CHAF1A: variants seen among roughly 807,000 people sequenced by gnomAD.
CHAF1A encodes the protein CAF-1 subunit A.
Under a neutral mutation model 93.2 loss-of-function variants are expected in CHAF1A, and 5 were observed. The ratio of observed to expected loss-of-function variants is 0.05; its 90% confidence interval spans 0.03 to 0.11. The LOEUF is 0.11. Among genes scored for constraint, CHAF1A ranks in the 10% least tolerant of loss-of-function variants. The pLI is 1.00. For synonymous variants in CHAF1A, 504 were observed against 510.3 expected, an observed-to-expected ratio of 0.99 and a Z score of 0.17; for missense variants, 1,102 against 1,259.9, an observed-to-expected ratio of 0.87 and a Z score of 1.90.
intron 2 of CHAF1A, 116 bp from the exon 3 acceptor site, chr19:4,408,787 T>C (rs911113022): frequency 7.3e-7 from 1 of 1,363,920 alleles, no homozygotes; most frequent in Non-Finnish European, 1.0e-6. Flanking sequence ...ATAGTCCCTT[T>C]TTAAACTTTA....
At chr19:4,447,364 T>C (rs567775740), downstream of CHAF1A, 77 of 621,328 alleles carry the variant, frequency 1.2e-4, no homozygotes, top group South Asian at 1.4e-3. Flanking sequence ...GGGTGACCGG[T>C]GCATAAAAGT....
chr19:4,446,523 C>G (rs753848499), downstream of CHAF1A: 2 of 1,611,046 alleles, frequency 1.2e-6, no homozygotes, highest in African/African-American at 1.3e-5. Context: ...CCCGCTTGAT[C>G]TCCTCTGCTG....
intron 1 of CHAF1A, among the ~76,000 whole-genome samples, chr19:4,403,023 T>C (rs969804220): frequency 1.3e-5 from 2 of 152,154 alleles, no homozygotes; most frequent in Non-Finnish European, 2.9e-5. Flanking sequence ...CGCGACCATA[T>C]TGTTTGTTTC....
chr19:4,428,226 A>G (rs1974119342), intron 7 of CHAF1A, among the ~76,000 whole-genome samples: 1 of 150,244 alleles, frequency 6.7e-6, no homozygotes, highest in Admixed American at 6.6e-5. Context: ...TCCTGACCTC[A>G]GGTGATCCGC....
chr19:4,418,605 C>T (rs998226027), intron 4 of CHAF1A, among the ~76,000 whole-genome samples: 7 of 151,614 alleles, frequency 4.6e-5, no homozygotes, highest in Admixed American at 2.0e-4. Flanking sequence ...TTAGTAGAGA[C>T]GGGGTTTCAC....
Position 4,443,152 on chromosome 19 carries a change from T to C in CHAF1A, c.*127T>C. Reference sequence around the variant, plus strand: ...CGGACCTCCCCAAAGTGTGCAGAGTTCTATATAGGATGCTGGATTAGTTCC... The same window carrying C: ...CGGACCTCCCCAAAGTGTGCAGAGTCCTATATAGGATGCTGGATTAGTTCC... On this transcript the variant is annotated 3_prime_UTR_variant, in exon 15 of 15. Transcript: ENST00000301280. 1.4e-6 allele frequency: 1 copy of C among 723,140 alleles called. No homozygotes were observed. The highest frequency in any genetic ancestry group is 2.5e-6 in the Non-Finnish European group (1 of 395,374). 44.8% of individuals were successfully genotyped at this position (723,140 alleles called of 1,614,324 possible).
downstream of CHAF1A, chr19:4,446,204 A>G (rs374415680): frequency 8.3e-5 from 132 of 1,597,750 alleles, no homozygotes; most frequent in African/African-American, 1.3e-3. Flanking sequence ...GTGCCTGGGG[A>G]GTGGGGGAGT....
intron 3 of CHAF1A, among the ~76,000 whole-genome samples, chr19:4,415,901 CG>C (rs1973889073): frequency 6.6e-6 from 1 of 152,096 alleles, no homozygotes; most frequent in Admixed American, 6.5e-5. Context: ...TGGCCGGGCG[CG>C]GTGGCTCACG....
intron 13 of CHAF1A, among the ~76,000 whole-genome samples, chr19:4,437,397 C>T (rs1243767702): frequency 6.6e-6 from 1 of 152,094 alleles, no homozygotes; most frequent in East Asian, 1.9e-4. Context: ...TTACCTAGGC[C>T]GGAGTGCAAT....
chr19:4,446,342 A>G, downstream of CHAF1A: 1 of 1,570,346 alleles, frequency 6.4e-7, no homozygotes, highest in Middle Eastern at 1.7e-4. Flanking sequence ...GTACTTGCGC[A>G]GCCCCCGCTG....
intron 3 of CHAF1A, 107 bp downstream of exon 3, chr19:4,409,866 A>G (rs1280031544): frequency 3.8e-6 from 5 of 1,316,542 alleles, no homozygotes; most frequent in Non-Finnish European, 3.1e-6. Context: ...GAGCGGGGCC[A>G]CGGGCTGGGT....
downstream of CHAF1A, chr19:4,447,588 TCTC>T (rs764656169): frequency 3.3e-5 from 53 of 1,613,672 alleles, no homozygotes; most frequent in Admixed American, 1.0e-4. Flanking sequence ...TTCCGGTACT[TCTC>T]CTCCTCGGGG....
At chr19:4,412,109 T>A (rs243352) in intron 3 of CHAF1A, among the ~76,000 whole-genome samples, 1 of 152,030 alleles carries the variant, frequency 6.6e-6, no homozygotes, top group Non-Finnish European at 1.5e-5. Context: ...TTCTACCTAA[T>A]CCACCACTCA....
At chr19:4,441,086 G>A (rs538592246) in intron 13 of CHAF1A, among the ~76,000 whole-genome samples, 3 of 151,916 alleles carry the variant, frequency 2.0e-5, no homozygotes, top group South Asian at 4.2e-4. Context: ...GGGAGGCCAA[G>A]GCAGGCGGAT....
downstream of CHAF1A, chr19:4,446,891 G>T: frequency 6.2e-7 from 1 of 1,613,966 alleles, no homozygotes; most frequent in South Asian, 1.1e-5. Context: ...CAAAAAACTC[G>T]TGGGTCCCTT....
At chr19:4,446,156 A>G, downstream of CHAF1A, 1 of 1,609,916 alleles carries the variant, frequency 6.2e-7, no homozygotes, top group Non-Finnish European at 8.5e-7. Context: ...TCCCGGACGA[A>G]CCCGTACACC....
intron 1 of CHAF1A, among the ~76,000 whole-genome samples, chr19:4,404,574 C>T (rs1164481814): frequency 6.6e-6 from 1 of 152,094 alleles, no homozygotes; most frequent in Non-Finnish European, 1.5e-5. Flanking sequence ...AGTACCTTTT[C>T]TTATTCACTA....
downstream of CHAF1A, among the ~76,000 whole-genome samples, chr19:4,443,869 C>T (rs533083964): frequency 2.0e-5 from 3 of 152,314 alleles, no homozygotes; most frequent in South Asian, 2.1e-4. Flanking sequence ...TCAGAGCACA[C>T]GCAGCCACGG....
chr19:4,425,644 C>T (rs1974067632), intron 7 of CHAF1A, among the ~76,000 whole-genome samples: 1 of 152,210 alleles, frequency 6.6e-6, no homozygotes, highest in South Asian at 2.1e-4. Flanking sequence ...ACAGAGCCTG[C>T]CACTATCTCA....
Sources: gnomAD v4.1 joint callset for allele counts (sites outside exome capture counted in the v4.1 genomes callset) on GRCh38, gnomAD v4.1.1 for gene constraint, MANE v1.5 for transcripts, NCBI Gene and HGNC (gene_info 2026-07-23, HGNC 2026-07-21) for gene names.